The following KIF16B variants were observed in gnomAD, a reference collection of about 807,000 sequenced individuals.
KIF16B encodes kinesin family member 16B.
A neutral mutation model predicts 156.3 loss-of-function variants in KIF16B; 98 were observed. The observed-to-expected ratio is 0.63, with a 90% CI of 0.53 to 0.74. The LOEUF is 0.74. KIF16B is among the 30% of genes least tolerant of loss of function. The probability of loss-of-function intolerance (pLI) is 0.00; values close to 1 mark genes in which losing one functional copy is unlikely to be tolerated. For missense variants in KIF16B, 1,421 were observed against 1,606.5 expected (o/e 0.88, Z 1.97); for synonymous variants, 564 against 583.7 (o/e 0.97, Z 0.49).
rs1568972734 is a variant in KIF16B, at chr20:16,430,001, G to A, written c.1303-19C>T. ...TTTGTTCCTGAAATTAAGAGGAAAA[G>A]AAAAAGAAAAGGTTACTTTGGGAAA... On this transcript the variant is annotated intron_variant, in intron 12 of 25. Transcript: ENST00000354981. The A allele has an allele frequency of 1.3e-6, 2 of 1,590,574 alleles. No individual in the cohort carries two copies. The highest frequency in any genetic ancestry group is 1.8e-5 in the Admixed American group (1 of 54,096).
At chr20:16,354,080 T>C (rs186175738) in intron 23 of KIF16B, among the ~76,000 whole-genome samples, 16 of 152,352 alleles carry the variant, frequency 1.1e-4, no homozygotes, top group Admixed American at 3.9e-4. Context: ...GAATTTTCTG[T>C]ATTTGGTTTC....
chr20:16,504,304 T>TCATTAA, intron 10 of KIF16B, 68 bp downstream of exon 10: 1 of 1,475,872 alleles, frequency 6.8e-7, no homozygotes, highest in South Asian at 1.2e-5. Context: ...GAAAATTGTC[T>TCATTAA]CATTAAGATC....
At chr20:16,375,881 GCTGGC>G in intron 19 of KIF16B, among the ~76,000 whole-genome samples, 1 of 152,296 alleles carries the variant, frequency 6.6e-6, no homozygotes, top group Non-Finnish European at 1.5e-5. Context: ...CAAGGGACAA[GCTGGC>G]CTTCCCGTGT....
intron 23 of KIF16B, among the ~76,000 whole-genome samples, chr20:16,355,271 C>T (rs1251715552): frequency 6.6e-6 from 1 of 152,094 alleles, no homozygotes; most frequent in African/African-American, 2.4e-5. Flanking sequence ...CCCAGCAGCT[C>T]TAGGCTTCCC....
intron 12 of KIF16B, among the ~76,000 whole-genome samples, chr20:16,440,011 A>T (rs908669400): frequency 2.0e-5 from 3 of 151,764 alleles, no homozygotes; most frequent in Non-Finnish European, 2.9e-5. Context: ...TATGCAAGTA[A>T]CTCCACCCCT....
At chr20:16,439,829 G>T (rs1270492973) in intron 12 of KIF16B, among the ~76,000 whole-genome samples, 3 of 152,220 alleles carry the variant, frequency 2.0e-5, no homozygotes, top group Non-Finnish European at 4.4e-5. Flanking sequence ...GATCTCTTGA[G>T]ACTTATTCGC....
intron 23 of KIF16B, among the ~76,000 whole-genome samples, chr20:16,344,602 G>C (rs2064197685): frequency 6.6e-6 from 1 of 152,156 alleles, no homozygotes; most frequent in Non-Finnish European, 1.5e-5. Context: ...CATCAGAACA[G>C]TCCCCCAAAC....
chr20:16,391,054 G>C (rs1296549192), intron 17 of KIF16B, among the ~76,000 whole-genome samples: 1 of 152,140 alleles, frequency 6.6e-6, no homozygotes, highest in East Asian at 1.9e-4. Flanking sequence ...GTCTGAGCTT[G>C]GCCTTGAAAA....
rs2068778055 is a variant in KIF16B, at chr20:16,506,332, C to T, written c.700-142G>A. The T allele has an allele frequency of 1.2e-5, 8 of 665,160 alleles. No individual in the cohort carries two copies. The South Asian group carries it at 1.3e-4, about 11-fold the overall frequency. 41.2% of individuals were successfully genotyped at this position (665,160 alleles called of 1,614,324 possible). ...CAATTTTATTGTTTTACTGGCCTTC[C>T]TACTGATTACAGAAACTTCTCAAAT... On this transcript the variant is annotated intron_variant, in intron 7 of 25. Coordinates refer to ENST00000354981, the MANE Select transcript of KIF16B (RefSeq NM_024704.5).
At chr20:16,484,314 G>A (rs948180807) in intron 12 of KIF16B, among the ~76,000 whole-genome samples, 2 of 152,204 alleles carry the variant, frequency 1.3e-5, no homozygotes, top group African/African-American at 4.8e-5. Flanking sequence ...ATCAGAGCTG[G>A]TTATGGGAAT....
At chr20:16,502,582 G>A (rs769273452) in intron 10 of KIF16B, among the ~76,000 whole-genome samples, 1 of 151,984 alleles carries the variant, frequency 6.6e-6, no homozygotes. Flanking sequence ...AAACACAGCA[G>A]TGGTAATAAG....
rs1306001277 is a variant in KIF16B, at chr20:16,546,399, T to TC, written c.48-17960dup. On this transcript the variant is annotated intron_variant, in intron 1 of 25. Transcript: ENST00000354981. ...ATCTTCATCATGAAATCAAGATCCC[T>TC]CCATTTATTCAGTTAATGTTTACCG... Among the ~76,000 whole-genome samples, 3 of 152,304 alleles carry TC rather than the reference T, an allele frequency of 2.0e-5. No homozygotes were observed. In the East Asian group the frequency reaches 5.8e-4, roughly 29 times the overall value.
intron 12 of KIF16B, among the ~76,000 whole-genome samples, chr20:16,458,468 C>T (rs1211109086): frequency 6.6e-6 from 1 of 152,062 alleles, no homozygotes; most frequent in African/African-American, 2.4e-5. Context: ...CATGTTCTGA[C>T]AGCATTTCTG....
chr20:16,395,883 C>T (rs897847847), intron 17 of KIF16B, among the ~76,000 whole-genome samples: 1 of 152,098 alleles, frequency 6.6e-6, no homozygotes, highest in Non-Finnish European at 1.5e-5. Flanking sequence ...TCTCATCTAT[C>T]AGTGGGAATG....
At chr20:16,409,982 T>TATATATGTAGGCAC (rs1555877432) in intron 15 of KIF16B, among the ~76,000 whole-genome samples, 2 of 55,532 alleles carry the variant, frequency 3.6e-5, no homozygotes, top group South Asian at 1.5e-3. Flanking sequence ...TATATATATA[T>TATATATGTAGGCAC]ATATATATAT....
intron 23 of KIF16B, among the ~76,000 whole-genome samples, chr20:16,351,398 T>C (rs117506620): frequency 2.0e-5 from 3 of 152,314 alleles, no homozygotes; most frequent in Non-Finnish European, 4.4e-5. Flanking sequence ...ACTCTGGTCC[T>C]AACTAACTGA....
intron 24 of KIF16B, among the ~76,000 whole-genome samples, chr20:16,318,084 C>G (rs779964992): frequency 2.0e-5 from 3 of 152,000 alleles, no homozygotes; most frequent in Non-Finnish European, 2.9e-5. Flanking sequence ...CATGCCATAG[C>G]TGCCCTCCTC....
At chr20:16,340,802 C>T (rs2064127625) in intron 23 of KIF16B, among the ~76,000 whole-genome samples, 1 of 152,076 alleles carries the variant, frequency 6.6e-6, no homozygotes. Flanking sequence ...CCACAGTGGC[C>T]CCAGTGGTCC....
chr20:16,343,689 T>C (rs2064181090), intron 23 of KIF16B, among the ~76,000 whole-genome samples: 1 of 152,190 alleles, frequency 6.6e-6, no homozygotes, highest in Non-Finnish European at 1.5e-5. Context: ...TGCCTGTATA[T>C]AATAGTAACA....
Sources: gnomAD v4.1 joint callset for allele counts (sites outside exome capture counted in the v4.1 genomes callset) on GRCh38, gnomAD v4.1.1 for gene constraint, MANE v1.5 for transcripts, NCBI Gene and HGNC (gene_info 2026-07-23, HGNC 2026-07-21) for gene names.